The following SEMA3A variants were observed in gnomAD, a reference collection of about 807,000 sequenced individuals.
SEMA3A encodes the protein semaphorin 3A, also known as semaphorin-3A.
Under a neutral mutation model 97.9 loss-of-function variants are expected in SEMA3A, and 29 were observed. The ratio of observed to expected loss-of-function variants is 0.30; its 90% confidence interval spans 0.22 to 0.40. The LOEUF is 0.40. Ranked by LOEUF, SEMA3A falls within the 10% of genes least tolerant of loss-of-function variation. The probability of loss-of-function intolerance (pLI) is 1.00; values close to 1 mark genes in which losing one functional copy is unlikely to be tolerated. For missense variants in SEMA3A, 763 were observed against 951.3 expected (o/e 0.80, Z 2.60); for synonymous variants, 321 against 323.7 (o/e 0.99, Z 0.09).
At chr7:84,421,502 C>G (rs1323763172) in intron 1 of SEMA3A, among the ~76,000 whole-genome samples, 3 of 151,990 alleles carry the variant, frequency 2.0e-5, no homozygotes, top group African/African-American at 7.3e-5. Context: ...TTTGAATACT[C>G]TTTATTTGTT....
chr7:84,482,601 C>T (rs1806474846), intron 1 of SEMA3A, among the ~76,000 whole-genome samples: 1 of 152,148 alleles, frequency 6.6e-6, no homozygotes, highest in African/African-American at 2.4e-5. Flanking sequence ...TTGTCCATTA[C>T]ACTGCCTCCC....
intron 5 of SEMA3A, among the ~76,000 whole-genome samples, chr7:84,056,003 C>A (rs1036951965): frequency 6.6e-6 from 1 of 152,094 alleles, no homozygotes; most frequent in African/African-American, 2.4e-5. Flanking sequence ...GAATACTATA[C>A]CCTACAAGAT....
intron 3 of SEMA3A, among the ~76,000 whole-genome samples, chr7:84,123,369 T>TTA (rs200426352): frequency 0.029 from 4,407 of 152,048 alleles, 99 homozygotes; most frequent in Middle Eastern, 0.037. Flanking sequence ...ATATACTGCA[T>TTA]TATATATATA....
intron 1 of SEMA3A, among the ~76,000 whole-genome samples, chr7:84,459,312 C>T (rs1371577796): frequency 6.6e-6 from 1 of 152,140 alleles, no homozygotes; most frequent in African/African-American, 2.4e-5. Context: ...AGTAAATTCA[C>T]ACTAGATCTT....
At chr7:84,401,011 T>C (rs1254041385) in intron 1 of SEMA3A, among the ~76,000 whole-genome samples, 1 of 151,020 alleles carries the variant, frequency 6.6e-6, no homozygotes, top group East Asian at 2.0e-4. Context: ...GTACTAGAAG[T>C]CCTAGCAAGA....
chr7:84,312,841 T>C (rs115359187), intron 2 of SEMA3A, among the ~76,000 whole-genome samples: 3 of 136,458 alleles, frequency 2.2e-5, no homozygotes, highest in Non-Finnish European at 3.1e-5. Flanking sequence ...CTGGAGTCCC[T>C]ATTTCTTTCA....
intron 2 of SEMA3A, among the ~76,000 whole-genome samples, chr7:84,343,536 T>C (rs190761013): frequency 2.0e-5 from 3 of 152,326 alleles, no homozygotes; most frequent in African/African-American, 7.2e-5. Flanking sequence ...TGAGTGACTA[T>C]GGAATCCTAC....
chr7:84,017,056 A>C (rs953908275), intron 6 of SEMA3A, among the ~76,000 whole-genome samples: 3 of 152,210 alleles, frequency 2.0e-5, no homozygotes, highest in Non-Finnish European at 2.9e-5. Context: ...GCAAGACGCC[A>C]TGTAGAAAAG....
chr7:84,413,151 C>A (rs1441307966), intron 1 of SEMA3A, among the ~76,000 whole-genome samples: 1 of 152,098 alleles, frequency 6.6e-6, no homozygotes, highest in African/African-American at 2.4e-5. Context: ...TATGTAGGAA[C>A]TTACCCTTCA....
chr7:84,264,285 A>T (rs1347504729), intron 3 of SEMA3A, among the ~76,000 whole-genome samples: 1 of 152,218 alleles, frequency 6.6e-6, no homozygotes, highest in African/African-American at 2.4e-5. Context: ...TAAATATTTG[A>T]CAAAAATAAA....
Position 84,099,195 on chromosome 7 carries a change from C to T in SEMA3A, c.453+11275G>A, listed in dbSNP as rs1009216597. Among the ~76,000 whole-genome samples, 7 of 109,892 alleles carry T rather than the reference C, an allele frequency of 6.4e-5. 2 individuals carry two copies. Among genetic ancestry groups the T allele is most frequent in the Non-Finnish European group, 1.1e-4 (5 of 45,742 alleles). 72.1% of individuals were successfully genotyped at this position (109,892 alleles called of 152,430 possible). The stretch of plus-strand genomic sequence containing the variant: ...ACGCCATTCTCCTGCCTCAGCCTCC[C>T]GAGTAGCTGGGACTACAGGCGCCCG... On this transcript the variant is annotated intron_variant, in intron 4 of 16. Coordinates refer to ENST00000265362, the MANE Select transcript of SEMA3A (RefSeq NM_006080.3).
intron 3 of SEMA3A, among the ~76,000 whole-genome samples, chr7:84,232,019 AAT>A (rs980618558): frequency 6.6e-5 from 10 of 151,274 alleles, no homozygotes; most frequent in Non-Finnish European, 1.5e-4. Flanking sequence ...TGTATATGTA[AAT>A]ATATGTTTGT....
At position 84,113,113 on chromosome 7, in the gene SEMA3A, G is replaced by A. The variant is rs77511069; in HGVS notation, c.334-2524C>T. 2.0e-5 allele frequency among the ~76,000 whole-genome samples: 3 copies of A among 152,322 alleles called. No individual in the cohort carries two copies. In the East Asian group the frequency reaches 5.8e-4, roughly 29 times the overall value. Reference sequence around the variant, plus strand: ...AAGGGAGAGAAATTTCTTGGGCTTAGAGGATATAAAGATGCTTGAAATGAA... The same window carrying A: ...AAGGGAGAGAAATTTCTTGGGCTTAAAGGATATAAAGATGCTTGAAATGAA... On this transcript the variant is annotated intron_variant, in intron 3 of 16. Coordinates refer to ENST00000265362, the MANE Select transcript of SEMA3A (RefSeq NM_006080.3).
intron 3 of SEMA3A, among the ~76,000 whole-genome samples, chr7:84,266,402 T>C (rs893944131): frequency 1.4e-5 from 2 of 145,580 alleles, no homozygotes; most frequent in Non-Finnish European, 3.0e-5. Flanking sequence ...CAATACAGAG[T>C]ATAGGTGAGA....
intron 1 of SEMA3A, among the ~76,000 whole-genome samples, chr7:84,466,275 C>T (rs1209380102): frequency 6.6e-6 from 1 of 151,996 alleles, no homozygotes; most frequent in Non-Finnish European, 1.5e-5. Context: ...CTGGTTCAAG[C>T]GATTCTCCTG....
intron 1 of SEMA3A, among the ~76,000 whole-genome samples, chr7:84,402,958 T>C (rs1262768646): frequency 6.6e-6 from 1 of 151,898 alleles, no homozygotes; most frequent in Non-Finnish European, 1.5e-5. Context: ...AAAATACAGT[T>C]AGGAGTGTGA....
intron 1 of SEMA3A, among the ~76,000 whole-genome samples, chr7:84,412,800 T>G (rs1804306278): frequency 1.3e-5 from 2 of 152,152 alleles, no homozygotes; most frequent in Non-Finnish European, 2.9e-5. Flanking sequence ...AACACTATGG[T>G]TGAGTCACTG....
chr7:84,294,020 A>C (rs951754018), intron 3 of SEMA3A, among the ~76,000 whole-genome samples: 4 of 152,090 alleles, frequency 2.6e-5, no homozygotes, highest in African/African-American at 9.7e-5. Flanking sequence ...AAATGTATGG[A>C]TCTGACAAAC....
chr7:84,133,919 G>C (rs562943473), intron 2 of SEMA3A, among the ~76,000 whole-genome samples: 5 of 150,032 alleles, frequency 3.3e-5, no homozygotes, highest in South Asian at 2.1e-4. Flanking sequence ...AAAATTAGCC[G>C]GGCGTGGTGG....
Sources: gnomAD v4.1 joint callset for allele counts (sites outside exome capture counted in the v4.1 genomes callset) on GRCh38, gnomAD v4.1.1 for gene constraint, MANE v1.5 for transcripts, NCBI Gene and HGNC (gene_info 2026-07-23, HGNC 2026-07-21) for gene names.